Variants in DNAH17 observed in about 807,000 individuals in gnomAD.
The protein encoded by DNAH17 is axonemal beta dynein heavy chain 17.
Under a neutral mutation model 485.6 loss-of-function variants are expected in DNAH17, and 376 were observed. That is an observed-to-expected ratio of 0.77 (90% confidence interval 0.71 to 0.84). The LOEUF is 0.84. Ranked by LOEUF, DNAH17 falls within the 40% of genes least tolerant of loss-of-function variation. The pLI is 0.00. For synonymous variants in DNAH17, 3,031 were observed against 2,405.9 expected (o/e 1.26, Z -7.60); for missense variants, 6,370 against 5,839.3 (o/e 1.09, Z -2.96).
intron 31 of DNAH17, among the ~76,000 whole-genome samples, chr17:78,504,108 C>T (rs1456663788): frequency 6.6e-6 from 1 of 151,834 alleles, no homozygotes; most frequent in Admixed American, 6.5e-5. Context: ...CTCTATTACC[C>T]AGACTGGAGT....
chr17:78,507,647 C>T lies in DNAH17; in HGVS notation c.4395G>A (p.Leu1465=). The T allele has an allele frequency of 6.2e-7, 1 of 1,613,998 alleles. No homozygotes were observed. The highest frequency in any genetic ancestry group is 1.1e-5 in the South Asian group (1 of 91,082). Reference sequence around the variant, plus strand: ...TTGTCACCTCCTTCAGGAAGTGGGCCAGGTACTTGGACATCATCAGGTTCT... The same window carrying T: ...TTGTCACCTCCTTCAGGAAGTGGGCTAGGTACTTGGACATCATCAGGTTCT... ...QLQNLMMSKY[L]AHFLKEVTSW... is the part of the protein sequence containing the mutation. Residue 1465 remains leucine (L), a synonymous_variant, in exon 28 of 81, where the codon CTG becomes CTA. Coordinates refer to ENST00000389840, the MANE Select transcript of DNAH17 (RefSeq NM_173628.4).
intron 75 of DNAH17, among the ~76,000 whole-genome samples, chr17:78,429,579 C>T (rs2086603122): frequency 6.6e-6 from 1 of 152,212 alleles, no homozygotes; most frequent in South Asian, 2.1e-4. Context: ...AGCGCTTCCA[C>T]AGCCGGCATG....
At chr17:78,570,583 G>C (rs1343585283) in intron 6 of DNAH17, among the ~76,000 whole-genome samples, 1 of 152,058 alleles carries the variant, frequency 6.6e-6, no homozygotes, top group Non-Finnish European at 1.5e-5. Context: ...ACCCAGGCCG[G>C]GCGTGGTGGC....
intron 18 of DNAH17, among the ~76,000 whole-genome samples, chr17:78,537,946 C>G (rs996670194): frequency 1.5e-4 from 23 of 152,298 alleles, no homozygotes; most frequent in African/African-American, 5.1e-4. Context: ...TGAGACCAGC[C>G]TGGCCCACAT....
intron 19 of DNAH17, among the ~76,000 whole-genome samples, chr17:78,533,654 CA>C (rs2091298570): frequency 6.6e-6 from 1 of 152,168 alleles, no homozygotes; most frequent in Non-Finnish European, 1.5e-5. Flanking sequence ...GTATTAATCA[CA>C]TTTTTATTGT....
At position 78,423,756 on chromosome 17, in the gene DNAH17, G is replaced by T; in HGVS notation, c.*150C>A. On this transcript the variant is annotated 3_prime_UTR_variant, in exon 81 of 81. Coordinates refer to ENST00000389840, the MANE Select transcript of DNAH17 (RefSeq NM_173628.4). ...CTTCCACACCAACCTCCACCCTCTG[G>T]TTCCGATGTGCTTGGTTACAAAGCA... The T allele has an allele frequency of 9.6e-7, 1 of 1,038,172 alleles. No individual in the cohort carries two copies. Among genetic ancestry groups the T allele is most frequent in the South Asian group, 1.5e-5 (1 of 66,470 alleles). The allele number at this position is 1,038,172 out of a possible 1,614,324, so 64.3% of individuals were successfully genotyped here.
intron 56 of DNAH17, among the ~76,000 whole-genome samples, chr17:78,464,889 T>C (rs1414643105): frequency 6.6e-6 from 1 of 152,272 alleles, no homozygotes; most frequent in Non-Finnish European, 1.5e-5. Flanking sequence ...GATTTGTTCA[T>C]CATGAATTTT....
At chr17:78,460,348 G>GTGTGTGCATGTGTGTGCATA in intron 58 of DNAH17, 91 bp from the exon 59 acceptor site, 1 of 988,720 alleles carries the variant, frequency 1.0e-6, no homozygotes, top group East Asian at 2.6e-5. Context: ...GTGTGTGCAT[G>GTGTGTGCATGTGTGTGCATA]TGTGTGCATG....
At chr17:78,510,196 A>T (rs2090595615) in intron 27 of DNAH17, among the ~76,000 whole-genome samples, 188 bp downstream of exon 27, 2 of 152,122 alleles carry the variant, frequency 1.3e-5, no homozygotes, top group African/African-American at 4.8e-5. Context: ...ACAATAAAAA[A>T]TAATAAACAA....
At chr17:78,570,878 A>AAT in intron 6 of DNAH17, 70 bp downstream of exon 6, 2 of 735,090 alleles carry the variant, frequency 2.7e-6, no homozygotes, top group South Asian at 1.9e-5. Context: ...AAAAAAAAAA[A>AAT]GAAAAAAGAA....
chr17:78,521,780 A>G (rs889148005), intron 25 of DNAH17, among the ~76,000 whole-genome samples: 8 of 152,274 alleles, frequency 5.3e-5, no homozygotes, highest in Admixed American at 2.6e-4. Context: ...TGAGCTTAGG[A>G]ATTAGAGACC....
intron 56 of DNAH17, among the ~76,000 whole-genome samples, chr17:78,464,484 C>T (rs1225358593): frequency 6.6e-6 from 1 of 152,228 alleles, no homozygotes; most frequent in Non-Finnish European, 1.5e-5. Flanking sequence ...TGATCTCGAA[C>T]TCCTGACCTC....
chr17:78,457,590 G>C (rs1157630535), intron 62 of DNAH17, among the ~76,000 whole-genome samples: 1 of 151,410 alleles, frequency 6.6e-6, no homozygotes, highest in Non-Finnish European at 1.5e-5. Flanking sequence ...TGTTGCTCAG[G>C]CTGGTTTCAA....
Position 78,458,994 on chromosome 17 carries a change from C to G in DNAH17, c.9861+7G>C. 1 of 1,613,934 alleles carries G rather than the reference C, an allele frequency of 6.2e-7. No individual in the cohort carries two copies. The highest frequency in any genetic ancestry group is 8.5e-7 in the Non-Finnish European group (1 of 1,179,842). ...TTTCGCAGGGACGGGAGCGAGCCGG[C>G]ACTTACGGCAATCTTGTTTTTGATC... On this transcript the variant is annotated splice_region_variant and intron_variant, in intron 61 of 80. Transcript: ENST00000389840.
chr17:78,463,138 G>C (rs960961986), intron 56 of DNAH17, 61 bp from the exon 57 acceptor site: 1 of 1,519,704 alleles, frequency 6.6e-7, no homozygotes, highest in Non-Finnish European at 9.1e-7. Context: ...GCAAAGTGGG[G>C]CTCCCCAGAC....
intron 57 of DNAH17, 128 bp downstream of exon 57, chr17:78,462,716 G>A (rs1489609659): frequency 4.1e-5 from 34 of 833,392 alleles, no homozygotes; most frequent in Middle Eastern, 3.6e-4. Context: ...GGCAGGAAGC[G>A]TGCTCATCTT....
intron 20 of DNAH17, among the ~76,000 whole-genome samples, chr17:78,530,748 C>A (rs2091212435): frequency 6.6e-6 from 1 of 152,178 alleles, no homozygotes. Flanking sequence ...CAGAAAGGGG[C>A]AGAAGGGGTC....
intron 62 of DNAH17, among the ~76,000 whole-genome samples, chr17:78,457,067 T>C (rs1255190023): frequency 6.6e-6 from 1 of 152,180 alleles, no homozygotes; most frequent in East Asian, 1.9e-4. Context: ...TGAGATGTGC[T>C]CTGTGTTAAA....
intron 6 of DNAH17, 134 bp from the exon 7 acceptor site, chr17:78,570,506 C>T (rs1314440629): frequency 3.4e-6 from 4 of 1,168,614 alleles, no homozygotes; most frequent in African/African-American, 1.6e-5. Context: ...GGAGAGGCAA[C>T]TCCCTAGGCC....
Sources: gnomAD v4.1 joint callset for allele counts (sites outside exome capture counted in the v4.1 genomes callset) on GRCh38, gnomAD v4.1.1 for gene constraint, MANE v1.5 for transcripts, NCBI Gene and HGNC (gene_info 2026-07-23, HGNC 2026-07-21) for gene names.